COL27A1: variants seen among roughly 807,000 people sequenced by gnomAD.
COL27A1 encodes collagen type XXVII alpha 1 chain.
Under a neutral mutation model 251.3 loss-of-function variants are expected in COL27A1, and 106 were observed. The ratio of observed to expected loss-of-function variants is 0.42; its 90% CI spans 0.36 to 0.50. The LOEUF is 0.50. Ranked by LOEUF, COL27A1 falls within the 20% of genes least tolerant of loss-of-function variation. The probability of loss-of-function intolerance (pLI) is 0.00; values close to 1 mark genes in which losing one functional copy is unlikely to be tolerated. For synonymous variants in COL27A1, 1,000 were observed against 986.3 expected, an observed-to-expected ratio of 1.01 and a Z score of -0.26; for missense variants, 2,325 against 2,522.8, an observed-to-expected ratio of 0.92 and a Z score of 1.68.
rs1830319943 is a variant in COL27A1, at chr9:114,211,026, G to A, written c.2367G>A (p.Pro789=). The part of the protein sequence containing the change: ...VPGKRGKMGM[P]GFPGVFGERG... ...GCAAGAGGGGCAAGATGGGTATGCC[G>A]GTAAAGATTTTCCGTGTCTATTACG... The change falls in exon 12 of 61, where the codon CCG becomes CCA. Residue 789 remains proline (P), a splice_region_variant and synonymous_variant. Coordinates refer to ENST00000356083, the MANE Select transcript of COL27A1 (RefSeq NM_032888.4). 3 of 1,614,174 alleles carry A rather than the reference G, an allele frequency of 1.9e-6. No homozygotes were observed. The highest frequency in any genetic ancestry group is 2.5e-6 in the Non-Finnish European group (3 of 1,179,980).
Position 114,311,342 on chromosome 9 carries a change from AG to A in COL27A1, c.*649del, listed in dbSNP as rs1206880988. The A allele has an allele frequency of 4.7e-5, 4 of 84,518 alleles. No homozygotes were observed. In the South Asian group the frequency reaches 1.5e-3, roughly 32 times the overall value. 5.2% of individuals were successfully genotyped at this position (84,518 alleles called of 1,614,324 possible). ...TCTCACAGTGTATGTGATTTTTTTA[AG>A]GAAAAAAAAAAATCCCTATTTAAGA... On this transcript the variant is annotated 3_prime_UTR_variant, in exon 61 of 61. Coordinates refer to ENST00000356083, the MANE Select transcript of COL27A1 (RefSeq NM_032888.4).
intron 12 of COL27A1, chr9:114,217,802 T>A (rs556411517): frequency 8.5e-6 from 4 of 470,744 alleles, no homozygotes; most frequent in African/African-American, 8.0e-5. Flanking sequence ...AGGCCAGAGG[T>A]GGGAACTCAA....
intron 5 of COL27A1, among the ~76,000 whole-genome samples, chr9:114,183,383 A>G (rs1828087442): frequency 6.6e-6 from 1 of 152,212 alleles, no homozygotes. Flanking sequence ...GACTAAGAAC[A>G]TAAGGCTTAC....
chr9:114,289,023 T>C, intron 44 of COL27A1, 56 bp downstream of exon 44: 1 of 1,598,054 alleles, frequency 6.3e-7, no homozygotes, highest in Non-Finnish European at 8.6e-7. Context: ...GGCGGAGCAG[T>C]GGGAATTAAA....
At position 114,278,514 on chromosome 9, in the gene COL27A1, AGTG is replaced by A. The variant is rs111620076; in HGVS notation, c.3717+2753_3717+2755del. ...TGGTGGTGGTACTAATGATAGTGGT[AGTG>A]GTGGTGATGATGGGTGGTAGTGATG... On this transcript the variant is annotated intron_variant, in intron 37 of 60. Transcript: ENST00000356083. Among the ~76,000 whole-genome samples, 756 of 121,448 alleles carry A rather than the reference AGTG, an allele frequency of 6.2e-3. 9 individuals carry two copies. Among genetic ancestry groups the A allele is most frequent in the African/African-American group, 0.024 (698 of 29,044 alleles). 79.7% of individuals were successfully genotyped at this position (121,448 alleles called of 152,430 possible).
rs1828551354 is a variant in COL27A1 at position 114,300,648 on chromosome 9, C to T, written c.4662C>T (p.Phe1554=). The T allele has an allele frequency of 2.0e-6, 3 of 1,527,918 alleles. No homozygotes were observed. Among genetic ancestry groups the T allele is most frequent in the East Asian group, 2.4e-5 (1 of 41,582 alleles). The allele number at this position is 1,527,918 out of a possible 1,614,324, so 94.6% of individuals were successfully genotyped here. The change falls in exon 51 of 61, where the codon TTC becomes TTT. Residue 1554 remains phenylalanine, a synonymous_variant. Coordinates refer to ENST00000356083, the MANE Select transcript of COL27A1 (RefSeq NM_032888.4). ...AGGGCCCGCCTGGAGACATTGGCTT[C>T]AAAGGCATCCAGGGCCCTCGGGGGC... The part of the protein sequence containing the change: ...GPKGPPGDIG[F]KGIQGPRGPP...
At chr9:114,206,082 C>G (rs990578479) in intron 9 of COL27A1, among the ~76,000 whole-genome samples, 170 bp from the exon 10 acceptor site, 1 of 152,172 alleles carries the variant, frequency 6.6e-6, no homozygotes, top group East Asian at 1.9e-4. Flanking sequence ...CACCAGCCAC[C>G]TCCCTGGGAT....
At chr9:114,188,003 T>C (rs922224916) in intron 5 of COL27A1, among the ~76,000 whole-genome samples, 1 of 152,172 alleles carries the variant, frequency 6.6e-6, no homozygotes. Context: ...AAGCCCCAAA[T>C]TGGGGATTAG....
rs767764630 is a variant in COL27A1, at chr9:114,206,331, G to A, written c.2268+35G>A. On this transcript the variant is annotated intron_variant, in intron 10 of 60. Coordinates refer to ENST00000356083, the MANE Select transcript of COL27A1 (RefSeq NM_032888.4). ...TCCTGGCCAGTGCCACATGGGTGGGGTTCTAGGTGAGCATCACCTGTCCCT... is the reference window on the plus strand; with the variant it reads ...TCCTGGCCAGTGCCACATGGGTGGGATTCTAGGTGAGCATCACCTGTCCCT... The A allele has an allele frequency of 1.9e-6, 3 of 1,611,056 alleles. No homozygotes were observed. In the South Asian group the frequency reaches 3.3e-5, roughly 18 times the overall value.
intron 5 of COL27A1, among the ~76,000 whole-genome samples, chr9:114,183,287 G>A (rs1202205040): frequency 1.3e-5 from 2 of 152,234 alleles, no homozygotes; most frequent in East Asian, 1.9e-4. Context: ...ACTTGGGAGA[G>A]TCGGGCAGTT....
At chr9:114,221,871 G>C (rs538977722) in intron 13 of COL27A1, among the ~76,000 whole-genome samples, 4 of 152,346 alleles carry the variant, frequency 2.6e-5, no homozygotes, top group Admixed American at 2.0e-4. Context: ...CTTAACCTCT[G>C]GAGCTTCAGT....
rs910291130 is a variant in COL27A1, at chr9:114,310,712, C to T, written c.*17C>T. On this transcript the variant is annotated 3_prime_UTR_variant, in exon 61 of 61. Coordinates refer to ENST00000356083, the MANE Select transcript of COL27A1 (RefSeq NM_032888.4). ...TTCCTCTGACCTCTGACCTCGTGGC[C>T]ACTCTAGGCCTCACGGAGGAGGGAA... 6.2e-7 allele frequency: 1 copy of T among 1,613,350 alleles called. No individual in the cohort carries two copies. Among genetic ancestry groups the T allele is most frequent in the African/African-American group, 1.3e-5 (1 of 74,882 alleles).
chr9:114,167,760 CCTTTCCAGTCGGG>C lies in COL27A1; in HGVS notation c.209_221del (p.Phe70SerfsTer29). Reference sequence around the variant, plus strand: ...GAGCCCTGCACCCCCGGGAGTCATTCCTTTCCAGTCGGGCTTCATCTTTACGCAGCGGGCCCGG... The same window carrying C: ...GAGCCCTGCACCCCCGGGAGTCATTCCTTCATCTTTACGCAGCGGGCCCGG... On this transcript the variant is annotated frameshift_variant, in exon 3 of 61. Coordinates refer to ENST00000356083, the MANE Select transcript of COL27A1 (RefSeq NM_032888.4). LOFTEE classifies it high-confidence loss of function. The C allele has an allele frequency of 2.5e-6, 4 of 1,613,852 alleles. No individual in the cohort carries two copies. Among genetic ancestry groups the C allele is most frequent in the Non-Finnish European group, 3.4e-6 (4 of 1,180,018 alleles).
At chr9:114,289,677 G>A (rs573717694) in intron 45 of COL27A1, among the ~76,000 whole-genome samples, 22 of 152,204 alleles carry the variant, frequency 1.4e-4, no homozygotes, top group Admixed American at 9.2e-4. Flanking sequence ...CTGCCCCAGG[G>A]CCCCTGCCTT....
intron 7 of COL27A1, among the ~76,000 whole-genome samples, chr9:114,203,583 TCTC>T (rs1165140993): frequency 1.3e-5 from 2 of 152,054 alleles, no homozygotes; most frequent in African/African-American, 4.8e-5. Context: ...GTTGCATCAA[TCTC>T]CATAGGCCCC....
rs1180940057 is a variant in COL27A1, at chr9:114,162,730, C to G, written c.78C>G (p.Ser26=). The change falls in exon 2 of 61, where the codon TCC becomes TCG. Residue 26 remains serine (S), a synonymous_variant. Coordinates refer to ENST00000356083, the MANE Select transcript of COL27A1 (RefSeq NM_032888.4). ...AAARGGGFLF[S]WILVSFACHL... ...TGGTCTCTAGGGGGTTTCTCTTCTC[C>G]TGGATCTTAGTCTCGTTTGCCTGTC... 6.2e-7 allele frequency: 1 copy of G among 1,612,582 alleles called. No individual in the cohort carries two copies. The highest frequency in any genetic ancestry group is 1.3e-5 in the African/African-American group (1 of 74,510).
At chr9:114,206,347 A>C (rs1044834665) in intron 10 of COL27A1, 51 bp downstream of exon 10, 3 of 1,588,452 alleles carry the variant, frequency 1.9e-6, no homozygotes, top group Admixed American at 1.7e-5. Context: ...GGTGAGCATC[A>C]CCTGTCCCTC....
rs762171990 is a variant in COL27A1, at chr9:114,178,302, G to A, written c.1920G>A (p.Gly640=). Residue 640 remains glycine (G), a synonymous_variant, in exon 4 of 61, where the codon GGG becomes GGA. Coordinates refer to ENST00000356083, the MANE Select transcript of COL27A1 (RefSeq NM_032888.4). ...KGDCGLPGPP[G]LPGLPGIPGA... ...TGTTTTCTCCTCAGGGTCCCCCTGG[G>A]CTACCTGGGCTACCTGGAATCCCTG... 7 of 1,613,498 alleles carry A rather than the reference G, an allele frequency of 4.3e-6. No individual in the cohort carries two copies. The highest frequency in any genetic ancestry group is 5.9e-6 in the Non-Finnish European group (7 of 1,179,874).
chr9:114,253,859 C>T (rs1389750492), intron 27 of COL27A1, among the ~76,000 whole-genome samples: 2 of 152,166 alleles, frequency 1.3e-5, no homozygotes, highest in Non-Finnish European at 2.9e-5. Context: ...TCTGTAGTTA[C>T]TGAGCGATAA....
Sources: allele counts gnomAD v4.1 joint callset (sites outside exome capture counted in the v4.1 genomes callset), GRCh38; gene constraint gnomAD v4.1.1; transcripts MANE v1.5; gene names NCBI Gene and HGNC (gene_info 2026-07-23, HGNC 2026-07-21).